Variants in EPYC observed in about 807,000 individuals in gnomAD.
EPYC encodes dermatan sulfate proteoglycan 3.
In EPYC, 28 loss-of-function variants were observed where a neutral mutation model predicts 30.1. The observed-to-expected ratio is 0.93, with a 90% confidence interval of 0.69 to 1.28. The LOEUF (loss-of-function observed/expected upper bound fraction) is 1.28. Ranked by LOEUF, EPYC falls within the 50% of genes most tolerant of loss-of-function variation. The pLI, the probability that EPYC is intolerant of heterozygous loss-of-function variation, is 0.00. For missense variants in EPYC, 382 were observed against 383.5 expected (o/e 1.00, Z 0.03); for synonymous variants, 144 against 141.4 (o/e 1.02, Z -0.13).
intron 3 of EPYC, among the ~76,000 whole-genome samples, chr12:90,976,530 A>C (rs1877184197): frequency 6.6e-6 from 1 of 152,114 alleles, no homozygotes; most frequent in African/African-American, 2.4e-5. Context: ...GGATTTGAAT[A>C]CATATGTTTT....
At chr12:90,996,199 G>T (rs1382996039) in intron 2 of EPYC, among the ~76,000 whole-genome samples, 3 of 151,778 alleles carry the variant, frequency 2.0e-5, no homozygotes, top group Middle Eastern at 3.4e-3. Flanking sequence ...TAATATCAAT[G>T]CAGTCCTATA....
rs1396130257 is a variant in EPYC, at chr12:90,964,318, G to T, written c.807C>A (p.Asn269Lys). 6.2e-7 allele frequency: 1 copy of T among 1,602,258 alleles called. No individual in the cohort carries two copies. Among genetic ancestry groups the T allele is most frequent in the African/African-American group, 1.3e-5 (1 of 74,772 alleles). The change falls in exon 7 of 7, where the codon AAC becomes AAA. Residue 269 changes from asparagine (N) to lysine (K), a missense_variant. Transcript: ENST00000261172. ...NLRALHLQNN[N>K]ILEMHEDTFC... is the part of the protein sequence containing the mutation. Reference sequence around the variant, plus strand: ...ACGTATCTTCGTGCATTTCCAGAATGTTGTTATTCTAAAAAAGATGAAAAT... The same window carrying T: ...ACGTATCTTCGTGCATTTCCAGAATTTTGTTATTCTAAAAAAGATGAAAAT...
intron 2 of EPYC, among the ~76,000 whole-genome samples, chr12:91,000,247 CTG>C (rs975331333): frequency 6.6e-6 from 1 of 151,964 alleles, no homozygotes; most frequent in African/African-American, 2.4e-5. Context: ...AGAAAGGACT[CTG>C]TGTAAAATTA....
At chr12:90,971,118 C>T (rs1289545659) in intron 5 of EPYC, among the ~76,000 whole-genome samples, 2 of 152,142 alleles carry the variant, frequency 1.3e-5, no homozygotes, top group African/African-American at 4.8e-5. Flanking sequence ...AAGTAGCTAT[C>T]CTTTTAGCCA....
At chr12:90,998,885 G>A (rs1877758405) in intron 2 of EPYC, among the ~76,000 whole-genome samples, 1 of 152,040 alleles carries the variant, frequency 6.6e-6, no homozygotes, top group African/African-American at 2.4e-5. Flanking sequence ...GTCTCATGCA[G>A]AGCTCAGAGT....
chr12:90,983,074 A>G (rs1877358486), intron 2 of EPYC, among the ~76,000 whole-genome samples: 1 of 152,138 alleles, frequency 6.6e-6, no homozygotes, highest in African/African-American at 2.4e-5. Flanking sequence ...ATTGTTTTTC[A>G]TAGTGATTGT....
At chr12:91,002,074 T>C (rs1001891395) in intron 2 of EPYC, among the ~76,000 whole-genome samples, 15 of 149,590 alleles carry the variant, frequency 1.0e-4, no homozygotes, top group Admixed American at 2.0e-4. Flanking sequence ...CCTGTAGTCC[T>C]AGCTACTCGG....
chr12:90,978,414 G>A, intron 2 of EPYC, 152 bp from the exon 3 acceptor site: 2 of 661,726 alleles, frequency 3.0e-6, no homozygotes, highest in South Asian at 4.9e-5. Flanking sequence ...TTGCTTGGAG[G>A]AACACACATG....
intron 2 of EPYC, among the ~76,000 whole-genome samples, chr12:90,995,289 T>C (rs1877672458): frequency 6.6e-6 from 1 of 152,130 alleles, no homozygotes; most frequent in Admixed American, 6.6e-5. Context: ...ATATTACCTC[T>C]TGCCCCTTTA....
At chr12:91,001,236 T>A (rs926393089) in intron 2 of EPYC, among the ~76,000 whole-genome samples, 1 of 152,074 alleles carries the variant, frequency 6.6e-6, no homozygotes, top group Non-Finnish European at 1.5e-5. Context: ...TAAACAATAT[T>A]GAAAAATTTT....
At chr12:90,976,606 A>G (rs1877186445) in intron 3 of EPYC, among the ~76,000 whole-genome samples, 2 of 152,090 alleles carry the variant, frequency 1.3e-5, no homozygotes, top group Non-Finnish European at 2.9e-5. Flanking sequence ...GTCATGCCTT[A>G]GGTAATATTG....
intron 5 of EPYC, 48 bp downstream of exon 5, chr12:90,971,752 C>T (rs1427299590): frequency 9.5e-7 from 1 of 1,055,134 alleles, no homozygotes; most frequent in African/African-American, 1.6e-5. Flanking sequence ...TCAATGACAG[C>T]AAATAAAATT....
intron 2 of EPYC, 37 bp downstream of exon 2, chr12:91,002,364 T>C (rs1877851481): frequency 6.3e-7 from 1 of 1,585,498 alleles, no homozygotes; most frequent in African/African-American, 1.4e-5. Context: ...CCTCATCCTA[T>C]GCTTTTTAAA....
rs949299315 is a variant in EPYC, at chr12:90,973,061, G to A, written c.341-81C>T. The A allele has an allele frequency of 1.7e-5, 15 of 898,884 alleles. No individual in the cohort carries two copies. In the Admixed American group the frequency reaches 2.0e-4, roughly 12 times the overall value. 55.7% of individuals were successfully genotyped at this position (898,884 alleles called of 1,614,324 possible). Reference sequence around the variant, plus strand: ...ATAATGTGGAATGTTTGATACACAAGATTAGAGTCTCCCACTAACCAAGTA... The same window carrying A: ...ATAATGTGGAATGTTTGATACACAAAATTAGAGTCTCCCACTAACCAAGTA... On this transcript the variant is annotated intron_variant, in intron 3 of 6. Transcript: ENST00000261172.
At chr12:90,989,799 T>C (rs2120850314) in intron 2 of EPYC, among the ~76,000 whole-genome samples, 1 of 152,178 alleles carries the variant, frequency 6.6e-6, no homozygotes, top group South Asian at 2.1e-4. Flanking sequence ...ACTTCAGCTT[T>C]ATCCCAGTTT....
At chr12:90,965,112 A>C (rs997152609) in intron 6 of EPYC, among the ~76,000 whole-genome samples, 2 of 152,110 alleles carry the variant, frequency 1.3e-5, no homozygotes, top group African/African-American at 4.8e-5. Context: ...ATTATATATA[A>C]ATTTTTTGGT....
chr12:90,985,966 C>G (rs575877204), intron 2 of EPYC, among the ~76,000 whole-genome samples: 1 of 152,128 alleles, frequency 6.6e-6, no homozygotes, highest in Non-Finnish European at 1.5e-5. Flanking sequence ...TCTGAGGAAT[C>G]CTGGGACAGC....
intron 2 of EPYC, among the ~76,000 whole-genome samples, chr12:90,980,638 T>C (rs1173144352): frequency 1.3e-5 from 2 of 152,172 alleles, no homozygotes; most frequent in African/African-American, 4.8e-5. Flanking sequence ...GGCAGACTTG[T>C]ATGCTTATGT....
At chr12:90,983,210 A>G (rs1191606179) in intron 2 of EPYC, among the ~76,000 whole-genome samples, 1 of 152,190 alleles carries the variant, frequency 6.6e-6, no homozygotes, top group Non-Finnish European at 1.5e-5. Flanking sequence ...TCTCCAGAAT[A>G]GAGATACTGT....
Sources: gnomAD v4.1 joint callset for allele counts (sites outside exome capture counted in the v4.1 genomes callset) on GRCh38, gnomAD v4.1.1 for gene constraint, MANE v1.5 for transcripts, NCBI Gene and HGNC (gene_info 2026-07-23, HGNC 2026-07-21) for gene names.